The following BRINP3 variants were observed in gnomAD, a reference collection of about 807,000 sequenced individuals.
BRINP3 encodes the protein BMP/retinoic acid-inducible neural-specific protein 3.
In BRINP3, 19 loss-of-function variants were observed where a neutral mutation model predicts 71.0. The observed-to-expected ratio is 0.27, with a 90% CI of 0.19 to 0.39. The LOEUF is 0.39. Among genes scored for constraint, BRINP3 ranks in the 10% least tolerant of loss-of-function variants. The pLI is 1.00. For synonymous variants in BRINP3, 380 were observed against 337.7 expected (o/e 1.13, Z -1.37); for missense variants, 959 against 940.8 (o/e 1.02, Z -0.25).
chr1:190,305,284 G>C (rs1017626580), intron 2 of BRINP3, among the ~76,000 whole-genome samples: 3 of 151,664 alleles, frequency 2.0e-5, no homozygotes, highest in African/African-American at 7.3e-5. Flanking sequence ...TCAGTGTGTG[G>C]GAGAGAGATT....
intron 2 of BRINP3, among the ~76,000 whole-genome samples, chr1:190,294,271 T>G (rs929468855): frequency 6.6e-6 from 1 of 151,976 alleles, no homozygotes; most frequent in African/African-American, 2.4e-5. Flanking sequence ...CCTTTTTTTT[T>G]TTTTTGAGTC....
chr1:190,159,245 T>C (rs191816632), intron 7 of BRINP3, among the ~76,000 whole-genome samples: 3 of 152,138 alleles, frequency 2.0e-5, no homozygotes, highest in Admixed American at 6.6e-5. Flanking sequence ...TGTGGAGAGA[T>C]TGGAGTTGTC....
chr1:190,121,102 A>T (rs969659422), intron 7 of BRINP3, among the ~76,000 whole-genome samples: 1 of 152,176 alleles, frequency 6.6e-6, no homozygotes, highest in Non-Finnish European at 1.5e-5. Flanking sequence ...ATGAATAAAT[A>T]AGGCATATTG....
At chr1:190,127,567 A>T (rs1654191281) in intron 7 of BRINP3, among the ~76,000 whole-genome samples, 1 of 151,906 alleles carries the variant, frequency 6.6e-6, no homozygotes, top group Admixed American at 6.6e-5. Flanking sequence ...ATCTATTTGA[A>T]TAAACAAGTA....
At chr1:190,125,422 T>G (rs1372058529) in intron 7 of BRINP3, among the ~76,000 whole-genome samples, 1 of 151,888 alleles carries the variant, frequency 6.6e-6, no homozygotes, top group East Asian at 1.9e-4. Flanking sequence ...TACAATGCTT[T>G]AAAACATATT....
intron 1 of BRINP3, among the ~76,000 whole-genome samples, chr1:190,456,508 T>C (rs921280156): frequency 6.6e-6 from 1 of 152,090 alleles, no homozygotes; most frequent in African/African-American, 2.4e-5. Flanking sequence ...CTATTATCTA[T>C]ATAAATGTAC....
chr1:190,189,203 G>A (rs1236232723), intron 6 of BRINP3, among the ~76,000 whole-genome samples: 1 of 152,144 alleles, frequency 6.6e-6, no homozygotes, highest in Non-Finnish European at 1.5e-5. Context: ...TTTGGGACCT[G>A]TTTGAGAAGA....
At chr1:190,139,743 A>G (rs1352564990) in intron 7 of BRINP3, among the ~76,000 whole-genome samples, 2 of 152,276 alleles carry the variant, frequency 1.3e-5, no homozygotes, top group East Asian at 3.9e-4. Flanking sequence ...TTGAGACAAT[A>G]TAGCATACGA....
chr1:190,307,495 A>G (rs1665200032), intron 2 of BRINP3, among the ~76,000 whole-genome samples: 1 of 151,838 alleles, frequency 6.6e-6, no homozygotes, highest in African/African-American at 2.4e-5. Context: ...AGTCTGGGCT[A>G]TTAGTATTTC....
chr1:190,218,980 C>A (rs1656643199), intron 6 of BRINP3, among the ~76,000 whole-genome samples: 1 of 152,100 alleles, frequency 6.6e-6, no homozygotes, highest in Admixed American at 6.6e-5. Context: ...TCACACAGTA[C>A]TAGGATAATT....
intron 3 of BRINP3, among the ~76,000 whole-genome samples, chr1:190,268,892 G>A (rs188635260): frequency 1.6e-3 from 247 of 152,062 alleles, no homozygotes; most frequent in African/African-American, 5.5e-3. Flanking sequence ...TGACATGATC[G>A]ATTTTTTCTT....
At chr1:190,131,042 C>T (rs141603227) in intron 7 of BRINP3, among the ~76,000 whole-genome samples, 50 of 151,912 alleles carry the variant, frequency 3.3e-4, no homozygotes, top group Non-Finnish European at 6.8e-4. Context: ...ATTCATTACT[C>T]ATTGTGAGTC....
chr1:190,209,051 C>T (rs1655760444), intron 6 of BRINP3, among the ~76,000 whole-genome samples: 1 of 152,006 alleles, frequency 6.6e-6, no homozygotes, highest in South Asian at 2.1e-4. Context: ...TTGGAAAATA[C>T]AGTAAATATT....
chr1:190,284,570 C>T (rs2102945735), intron 2 of BRINP3, among the ~76,000 whole-genome samples: 1 of 152,022 alleles, frequency 6.6e-6, no homozygotes, highest in South Asian at 2.1e-4. Flanking sequence ...GGATCTAATC[C>T]AACTCACTTT....
rs568694404 is a variant in BRINP3 at position 190,382,678 on chromosome 1, T to C, written c.236+71977A>G. ...GCTGTCCTTTATCTGACAATTCAAA[T>C]GCCCTTCTAATGAACTTCAACTGCT... is the stretch of plus-strand genomic sequence containing the variant. On this transcript the variant is annotated intron_variant, in intron 2 of 7. Coordinates refer to ENST00000367462, the MANE Select transcript of BRINP3 (RefSeq NM_199051.3). Among the ~76,000 whole-genome samples the C allele has an allele frequency of 5.3e-5, 8 of 152,306 alleles. No individual in the cohort carries two copies. In the East Asian group the frequency reaches 1.5e-3, roughly 29 times the overall value.
chr1:190,371,448 T>G (rs1344764173), intron 2 of BRINP3, among the ~76,000 whole-genome samples: 2 of 152,214 alleles, frequency 1.3e-5, no homozygotes, highest in Non-Finnish European at 2.9e-5. Context: ...CCCCATTATA[T>G]GTTCTTGGCA....
rs1651382792 is a variant in BRINP3 at position 190,098,362 on chromosome 1, C to G, written c.1957G>C (p.Asp653His). ...ATATAGCCCAGGTTCCGGGAAGGGT[C>G]AATAAACTCCAGAGGTTCATAGTAA... ...SIYYEPLEFI[D>H]PSRNLGYMKI... The change falls in exon 8 of 8, where the codon GAC (aspartate) becomes CAC (histidine). Residue 653 changes from aspartate (D) to histidine (H), a missense_variant. Asp to His is a moderately conservative substitution (Grantham distance 81). Transcript: ENST00000367462. The G allele has an allele frequency of 6.2e-7, 1 of 1,614,088 alleles. No individual in the cohort carries two copies.
intron 2 of BRINP3, among the ~76,000 whole-genome samples, chr1:190,298,012 C>T (rs1055525116): frequency 1.5e-4 from 23 of 151,978 alleles, no homozygotes; most frequent in African/African-American, 5.6e-4. Context: ...AAATTGCAAC[C>T]ACAAGGTTTT....
chr1:190,342,367 T>C (rs901997855), intron 2 of BRINP3: 1 of 125,964 alleles, frequency 7.9e-6, no homozygotes, highest in Non-Finnish European at 1.7e-5. Flanking sequence ...TGGTTAGGGC[T>C]TTCTGTGCAA....
Sources: allele counts gnomAD v4.1 joint callset (sites outside exome capture counted in the v4.1 genomes callset), GRCh38; gene constraint gnomAD v4.1.1; transcripts MANE v1.5; gene names NCBI Gene and HGNC (gene_info 2026-07-23, HGNC 2026-07-21).